The following NIN variants were observed in gnomAD, a reference collection of about 807,000 sequenced individuals.
NIN encodes glycogen synthase kinase 3 beta-interacting protein.
Under a neutral mutation model 257.6 loss-of-function variants are expected in NIN, and 137 were observed. The observed-to-expected ratio is 0.53, with a 90% CI of 0.46 to 0.61. NIN has a LOEUF of 0.61. Among genes scored for constraint, NIN ranks in the 20% least tolerant of loss-of-function variants. The pLI is 0.00. For missense variants in NIN, 2,439 were observed against 2,501.2 expected (o/e 0.98, Z 0.53); for synonymous variants, 918 against 919.8 (o/e 1.00, Z 0.04).
intron 29 of NIN, among the ~76,000 whole-genome samples, chr14:50,729,253 TTG>T (rs2040567651): frequency 7.0e-6 from 1 of 142,604 alleles, no homozygotes. Context: ...GATTGTGATT[TTG>T]TTTTTTTTTT....
intron 3 of NIN, among the ~76,000 whole-genome samples, chr14:50,819,500 G>A (rs568975633): frequency 1.3e-5 from 2 of 152,190 alleles, no homozygotes; most frequent in African/African-American, 2.4e-5. Context: ...CTGCCACCAC[G>A]TAAGGTGTGT....
chr14:50,769,956 A>C (rs1403234464), intron 12 of NIN, among the ~76,000 whole-genome samples: 1 of 151,578 alleles, frequency 6.6e-6, no homozygotes, highest in Non-Finnish European at 1.5e-5. Flanking sequence ...AAAAAAAAAA[A>C]AGAAAAGGCA....
At chr14:50,771,058 C>T (rs2141805084) in intron 10 of NIN, 66 bp from the exon 11 acceptor site, 1 of 1,556,454 alleles carries the variant, frequency 6.4e-7, no homozygotes, top group East Asian at 2.2e-5. Context: ...CCCAGAAAAG[C>T]TCTCATCTGG....
intron 28 of NIN, among the ~76,000 whole-genome samples, chr14:50,731,403 C>A (rs538306222): frequency 6.6e-6 from 1 of 151,622 alleles, no homozygotes; most frequent in African/African-American, 2.4e-5. Flanking sequence ...GGTGGCACGT[C>A]GCCTTTGGTC....
intron 9 of NIN, 113 bp downstream of exon 9, chr14:50,772,188 A>G (rs753464135): frequency 1.0e-6 from 1 of 993,238 alleles, no homozygotes; most frequent in South Asian, 1.9e-5. Context: ...AGACTTTGTG[A>G]ACAGAAGTAC....
chr14:50,721,346 TAAAC>T lies in NIN; in HGVS notation c.*2113_*2116del, dbSNP rs200555037. On this transcript the variant is annotated 3_prime_UTR_variant, in exon 31 of 31. Transcript: ENST00000530997. ...CACATAAATACAAATTTATAGGAAA[TAAAC>T]AAATTAACCTACACCTCTCATACTG... 79 of 208,626 alleles carry T rather than the reference TAAAC, an allele frequency of 3.8e-4. No homozygotes were observed. Among genetic ancestry groups the T allele is most frequent in the Admixed American group, 1.0e-3 (17 of 16,878 alleles). The allele number at this position is 208,626 out of a possible 1,614,324, so 12.9% of individuals were successfully genotyped here.
At chr14:50,820,260 G>C (rs576318788) in intron 3 of NIN, among the ~76,000 whole-genome samples, 2 of 152,156 alleles carry the variant, frequency 1.3e-5, no homozygotes, top group African/African-American at 4.8e-5. Flanking sequence ...GTGTCAAGTC[G>C]TTAACAAATC....
Position 50,721,236 on chromosome 14 carries a change from CA to C in NIN, c.*2226del, listed in dbSNP as rs2040264462. 1 of 202,528 alleles carries C rather than the reference CA, an allele frequency of 4.9e-6. No individual in the cohort carries two copies. The highest frequency in any genetic ancestry group is 1.0e-5 in the Non-Finnish European group (1 of 98,602). 12.5% of individuals were successfully genotyped at this position (202,528 alleles called of 1,614,324 possible). Reference sequence around the variant, plus strand: ...TAGATGTTGGTTAAATTCATTTGAGCAGCATTTTGATTTTGAATAGAGATTC... The same window carrying C: ...TAGATGTTGGTTAAATTCATTTGAGCGCATTTTGATTTTGAATAGAGATTC... On this transcript the variant is annotated 3_prime_UTR_variant, in exon 31 of 31. Coordinates refer to ENST00000530997, the MANE Select transcript of NIN (RefSeq NM_020921.4).
chr14:50,820,134 C>T (rs1198184654), intron 3 of NIN, among the ~76,000 whole-genome samples: 2 of 152,206 alleles, frequency 1.3e-5, no homozygotes, highest in African/African-American at 4.8e-5. Flanking sequence ...CACATGAAAT[C>T]AATATGCATC....
intron 22 of NIN, 60 bp from the exon 23 acceptor site, chr14:50,744,425 G>A: frequency 3.8e-6 from 6 of 1,569,614 alleles, no homozygotes; most frequent in Non-Finnish European, 5.2e-6. Flanking sequence ...GTACAAAGGG[G>A]TATTTCTAAA....
rs146171166 is a variant in NIN at position 50,727,874 on chromosome 14, G to T, written c.6078+1649C>A. On this transcript the variant is annotated intron_variant, in intron 29 of 30. Transcript: ENST00000530997. ...AAAGCACACACATTAACACTACATAGGCAAGCAAAGCAACACAAAATGCAG... is the reference window on the plus strand; with the variant it reads ...AAAGCACACACATTAACACTACATATGCAAGCAAAGCAACACAAAATGCAG... 1.0e-5 allele frequency: 7 copies of T among 683,258 alleles called. No homozygotes were observed. In the Admixed American group the frequency reaches 1.2e-4, roughly 12 times the overall value. 42.3% of individuals were successfully genotyped at this position (683,258 alleles called of 1,614,324 possible).
chr14:50,732,464 G>A (rs560453677), intron 28 of NIN, among the ~76,000 whole-genome samples: 14 of 152,316 alleles, frequency 9.2e-5, no homozygotes, highest in South Asian at 8.3e-4. Flanking sequence ...TGGAGAGGGG[G>A]AATGGTTAAT....
At position 50,760,458 on chromosome 14, in the gene NIN, T is replaced by C. The variant is rs905868650; in HGVS notation, c.1897-99A>G. Reference sequence around the variant, plus strand: ...ATTGCTTTTTTTTTTTTTTTTTTTTTCCCTACAAGACATTTCTCATTTCTC... The same window carrying C: ...ATTGCTTTTTTTTTTTTTTTTTTTTCCCCTACAAGACATTTCTCATTTCTC... On this transcript the variant is annotated intron_variant, in intron 16 of 30. Coordinates refer to ENST00000530997, the MANE Select transcript of NIN (RefSeq NM_020921.4). 773 of 959,988 alleles carry C rather than the reference T, an allele frequency of 8.1e-4. 4 individuals carry two copies. Among genetic ancestry groups the C allele is most frequent in the Non-Finnish European group, 1.0e-3 (671 of 663,798 alleles). The allele number at this position is 959,988 out of a possible 1,614,324, so 59.5% of individuals were successfully genotyped here. A position where few individuals can be genotyped will look rare whatever the true frequency, so the allele number is the denominator to read the frequency against.
intron 22 of NIN, among the ~76,000 whole-genome samples, chr14:50,745,734 C>G (rs1397021016): frequency 6.6e-6 from 1 of 152,156 alleles, no homozygotes; most frequent in Non-Finnish European, 1.5e-5. Context: ...TCCAGACACC[C>G]GTAAAGCTTG....
intron 5 of NIN, among the ~76,000 whole-genome samples, chr14:50,790,629 A>C (rs1314653333): frequency 6.6e-6 from 1 of 152,200 alleles, no homozygotes; most frequent in African/African-American, 2.4e-5. Flanking sequence ...CTCTATTTGC[A>C]GTTCTGCTGA....
Position 50,726,082 on chromosome 14 carries a change from G to T in NIN, c.6079-16C>A. ...CCTGGTTTCCCTGAAGGGAAGAAAAGTATATTATTCGAAAATCATGTCACA... is the reference window on the plus strand; with the variant it reads ...CCTGGTTTCCCTGAAGGGAAGAAAATTATATTATTCGAAAATCATGTCACA... On this transcript the variant is annotated splice_polypyrimidine_tract_variant and intron_variant, in intron 29 of 30. Transcript: ENST00000530997. 1 of 1,589,980 alleles carries T rather than the reference G, an allele frequency of 6.3e-7. No individual in the cohort carries two copies. The highest frequency in any genetic ancestry group is 8.6e-7 in the Non-Finnish European group (1 of 1,160,390).
In NIN at chr14:50,763,710, ATTCTTTTTTTTTTTT is replaced by A. The variant is rs1381755664; in HGVS notation, c.1774+101_1774+115del. 6.9e-6 allele frequency: 6 copies of A among 864,870 alleles called. No homozygotes were observed. In the East Asian group the frequency reaches 8.2e-5, roughly 12 times the overall value. 53.6% of individuals were successfully genotyped at this position (864,870 alleles called of 1,614,324 possible). A position where few individuals can be genotyped will look rare whatever the true frequency, so the allele number is the denominator to read the frequency against. ...CAGCTCAAGAAAAGAGTATGGCCAA[ATTCTTTTTTTTTTTT>A]TTCTTTTTTCAAGTTGCCAAAGCTT... On this transcript the variant is annotated intron_variant, in intron 15 of 30. Coordinates refer to ENST00000530997, the MANE Select transcript of NIN (RefSeq NM_020921.4).
At position 50,772,971 on chromosome 14, in the gene NIN, A is replaced by AGTT; in HGVS notation, c.788_790dup (p.Gln263dup). 1 of 1,609,916 alleles carries AGTT rather than the reference A, an allele frequency of 6.2e-7. No individual in the cohort carries two copies. The highest frequency in any genetic ancestry group is 8.5e-7 in the Non-Finnish European group (1 of 1,178,930). ...TACCTGCATGGAAAGGTGCCTTTTT[A>AGTT]GTTGTCTATATGGAGTAGATGCTGA... On this transcript the variant is annotated inframe_insertion, in exon 8 of 31. Coordinates refer to ENST00000530997, the MANE Select transcript of NIN (RefSeq NM_020921.4).
In NIN at chr14:50,757,571, C is replaced by T. The variant is rs41310342; in HGVS notation, c.3459G>A (p.Arg1153=). ...VLSDLEDDEV[R]DLGSTGTSSV... ...AGCTCGTCCCTGTACTTCCCAGGTC[C>T]CGGACCTCATCATCTTCCAGGTCAC... Residue 1153 remains arginine (R), a synonymous_variant, in exon 18 of 31, where the codon CGG becomes CGA. Coordinates refer to ENST00000530997, the MANE Select transcript of NIN (RefSeq NM_020921.4). 0.021 allele frequency: 33,807 copies of T among 1,614,092 alleles called. 464 individuals are homozygous for T. Among genetic ancestry groups the T allele is most frequent in the Non-Finnish European group, 0.024 (27,877 of 1,180,016 alleles).
Sources: allele counts gnomAD v4.1 joint callset (sites outside exome capture counted in the v4.1 genomes callset), GRCh38; gene constraint gnomAD v4.1.1; transcripts MANE v1.5; gene names NCBI Gene and HGNC (gene_info 2026-07-23, HGNC 2026-07-21).